RIMOC1: variants seen among roughly 807,000 people sequenced by gnomAD.
RIMOC1 encodes the protein RAB7A interacting MON1-CCZ1 complex subunit 1.
chr5:41,908,145 T>G, the RIMOC1 span, among the ~76,000 whole-genome samples: 8 of 152,058 alleles, frequency 5.3e-5, no homozygotes. Flanking sequence ...TCTTGAAAGT[T>G]TCAGAGGGAG....
chr5:41,904,402 T>G, the RIMOC1 span: 1 of 1,613,768 alleles, frequency 6.2e-7, no homozygotes, highest in Non-Finnish European at 8.5e-7. Context: ...GTGAGACGAG[T>G]GGAAGAGCTC....
chr5:41,914,341 C>T, the RIMOC1 span, among the ~76,000 whole-genome samples: 1 of 151,968 alleles, frequency 6.6e-6, no homozygotes, highest in African/African-American at 2.4e-5. Flanking sequence ...CTTAGGGTGT[C>T]GGCCTTTTGT....
the RIMOC1 span, chr5:41,918,182 T>C: frequency 5.1e-6 from 5 of 985,750 alleles, no homozygotes; most frequent in African/African-American, 1.7e-5. Flanking sequence ...ACCTTGCTGA[T>C]ACCTTGGACT....
At chr5:41,914,322 C>G in the RIMOC1 span, among the ~76,000 whole-genome samples, 2 of 152,070 alleles carry the variant, frequency 1.3e-5, no homozygotes, top group African/African-American at 4.8e-5. Flanking sequence ...ACATACTGTC[C>G]TAAGTCCTCT....
At chr5:41,909,735 T>G in the RIMOC1 span, 10 of 1,522,838 alleles carry the variant, frequency 6.6e-6, no homozygotes. Flanking sequence ...TTTCTTTTTT[T>G]TTTTTTTTAG....
At chr5:41,904,433 C>G in the RIMOC1 span, 1 of 1,614,124 alleles carries the variant, frequency 6.2e-7, no homozygotes, top group African/African-American at 1.3e-5. Flanking sequence ...CTCAGGCCCA[C>G]ATACAGCAAC....
chr5:41,917,437 C>T, the RIMOC1 span: 11 of 1,373,130 alleles, frequency 8.0e-6, no homozygotes, highest in African/African-American at 1.5e-4. Context: ...GGGTACCCTA[C>T]TAAAACAACA....
the RIMOC1 span, among the ~76,000 whole-genome samples, chr5:41,914,736 C>T: frequency 6.6e-6 from 1 of 152,096 alleles, no homozygotes; most frequent in African/African-American, 2.4e-5. Context: ...CACAGCTGCA[C>T]TCTAGCCTGG....
At chr5:41,916,340 A>C in the RIMOC1 span, 11 of 812,542 alleles carry the variant, frequency 1.4e-5, no homozygotes, top group Non-Finnish European at 1.6e-5. Flanking sequence ...AATATACTTT[A>C]TGCACCATAA....
At chr5:41,919,885 A>T in the RIMOC1 span, 1 of 152,164 alleles carries the variant, frequency 6.6e-6, no homozygotes, top group African/African-American at 2.4e-5. Flanking sequence ...TATTGTTGGT[A>T]AACTCCATAT....
the RIMOC1 span, chr5:41,918,136 C>G: frequency 1.0e-5 from 10 of 985,654 alleles, no homozygotes; most frequent in East Asian, 1.0e-3. Flanking sequence ...CTGTCTACCT[C>G]AACTCCTGTT....
chr5:41,904,579 G>T, the RIMOC1 span: 1 of 1,003,932 alleles, frequency 1.0e-6, no homozygotes, highest in Non-Finnish European at 1.5e-6. Flanking sequence ...GTCCCAGGCC[G>T]CAGGTGGTTA....
chr5:41,915,796 G>A, the RIMOC1 span, among the ~76,000 whole-genome samples: 1,847 of 152,282 alleles, frequency 0.012, 38 homozygotes, highest in African/African-American at 0.042. Context: ...TTCAAGATGA[G>A]ATTTGGATGG....
chr5:41,920,891 C>T, the RIMOC1 span: 1 of 152,130 alleles, frequency 6.6e-6, no homozygotes, highest in Non-Finnish European at 1.5e-5. Flanking sequence ...ATTTTTTACA[C>T]TTGGGGTTTC....
At chr5:41,915,877 T>C in the RIMOC1 span, among the ~76,000 whole-genome samples, 5 of 152,128 alleles carry the variant, frequency 3.3e-5, no homozygotes. Context: ...CTTGCTACTC[T>C]TTATAAGCAG....
At chr5:41,904,366 C>T in the RIMOC1 span, 1 of 1,613,092 alleles carries the variant, frequency 6.2e-7, no homozygotes, top group African/African-American at 1.3e-5. Flanking sequence ...CCGATTGTGG[C>T]CATGGCGGCC....
chr5:41,913,872 CAT>C, the RIMOC1 span, among the ~76,000 whole-genome samples: 2 of 152,238 alleles, frequency 1.3e-5, no homozygotes, highest in Non-Finnish European at 2.9e-5. Flanking sequence ...TTTTGACAAA[CAT>C]AGGATATTTG....
chr5:41,915,327 A>T, the RIMOC1 span, among the ~76,000 whole-genome samples: 10 of 152,190 alleles, frequency 6.6e-5, no homozygotes, highest in African/African-American at 9.6e-5. Flanking sequence ...TCCCACCCCT[A>T]CAAATCAGAG....
At chr5:41,906,814 A>G in the RIMOC1 span, among the ~76,000 whole-genome samples, 1 of 152,224 alleles carries the variant, frequency 6.6e-6, no homozygotes, top group Non-Finnish European at 1.5e-5. Flanking sequence ...TGGATCAGGT[A>G]GGCCTACACC....
Sources: gnomAD v4.1 joint callset for allele counts (sites outside exome capture counted in the v4.1 genomes callset) on GRCh38, gnomAD v4.1.1 for gene constraint, MANE v1.5 for transcripts, NCBI Gene and HGNC (gene_info 2026-07-23, HGNC 2026-07-21) for gene names.